Variants in PCDH15 observed in about 807,000 individuals in gnomAD.
PCDH15 encodes protocadherin-15.
In PCDH15, 129 loss-of-function variants were observed where a neutral mutation model predicts 178.5. The observed-to-expected ratio is 0.72, with a 90% CI of 0.63 to 0.84. The LOEUF is 0.84. Ranked by LOEUF, PCDH15 falls within the 40% of genes least tolerant of loss-of-function variation. The pLI, the probability that PCDH15 is intolerant of heterozygous loss-of-function variation, is 0.00. For missense variants in PCDH15, 2,230 were observed against 2,099.9 expected, an observed-to-expected ratio of 1.06 and a Z score of -1.21; for synonymous variants, 800 against 732.0, an observed-to-expected ratio of 1.09 and a Z score of -1.50.
intron 15 of PCDH15, among the ~76,000 whole-genome samples, chr10:54,123,801 C>T (rs1404258234): frequency 6.6e-6 from 1 of 152,158 alleles, no homozygotes; most frequent in Non-Finnish European, 1.5e-5. Flanking sequence ...GGCACATATA[C>T]ACTACGGAAT....
intron 2 of PCDH15, among the ~76,000 whole-genome samples, chr10:55,093,665 A>C (rs945348150): frequency 6.6e-6 from 1 of 152,034 alleles, no homozygotes; most frequent in Non-Finnish European, 1.5e-5. Flanking sequence ...TAAGGTGTAA[A>C]GAAGGGATCC....
chr10:55,272,564 G>T (rs1363615232), intron 1 of PCDH15, among the ~76,000 whole-genome samples: 1 of 151,700 alleles, frequency 6.6e-6, no homozygotes, highest in Admixed American at 6.6e-5. Flanking sequence ...CGTATTGTTA[G>T]TAGAGACGTG....
At chr10:54,335,359 GTCGCATACTCTGTGTTC>G (rs1179727950) in intron 6 of PCDH15, among the ~76,000 whole-genome samples, 7 of 152,282 alleles carry the variant, frequency 4.6e-5, no homozygotes, top group African/African-American at 1.7e-4. Flanking sequence ...TGACAAAGTG[GTCGCATACTCTGTGTTC>G]TCAGAAAGAT....
rs1377857024 is a variant in PCDH15 at position 53,998,218 on chromosome 10, CATA to C, written c.2752-2456_2752-2454del. Reference sequence around the variant, plus strand: ...AGTTAAGAATTGTATCACTAAAACCCATAATATTTGTTTCTTTTGGTAAAAATT... The same window carrying C: ...AGTTAAGAATTGTATCACTAAAACCCATATTTGTTTCTTTTGGTAAAAATT... On this transcript the variant is annotated intron_variant, in intron 20 of 37. Coordinates refer to ENST00000644397, the MANE Select transcript of PCDH15 (RefSeq NM_001384140.1). Among the ~76,000 whole-genome samples, 6 of 152,148 alleles carry C rather than the reference CATA, an allele frequency of 3.9e-5. No individual in the cohort carries two copies. In the East Asian group the frequency reaches 1.2e-3, roughly 29 times the overall value.
intron 16 of PCDH15, among the ~76,000 whole-genome samples, chr10:54,082,928 A>G (rs2135980610): frequency 6.6e-6 from 1 of 152,256 alleles, no homozygotes; most frequent in South Asian, 2.1e-4. Flanking sequence ...CCCAATTTAA[A>G]AATAGGCAAA....
intron 1 of PCDH15, among the ~76,000 whole-genome samples, chr10:54,684,801 G>C (rs1360143689): frequency 8.9e-6 from 1 of 111,782 alleles, no homozygotes; most frequent in African/African-American, 2.9e-5. Context: ...ATTTGATAGT[G>C]TTATTTCCTA....
chr10:55,165,893 C>T (rs778030229), intron 2 of PCDH15, among the ~76,000 whole-genome samples: 1 of 151,724 alleles, frequency 6.6e-6, no homozygotes, highest in Non-Finnish European at 1.5e-5. Context: ...ATTTCTGTAC[C>T]TTTTTCCATA....
chr10:55,245,253 T>C (rs1035644928), intron 1 of PCDH15, among the ~76,000 whole-genome samples: 1 of 152,126 alleles, frequency 6.6e-6, no homozygotes, highest in African/African-American at 2.4e-5. Context: ...TTAGAAACAT[T>C]TGCTGTAATG....
At chr10:54,631,825 T>A (rs889919607) in intron 2 of PCDH15, among the ~76,000 whole-genome samples, 3 of 152,052 alleles carry the variant, frequency 2.0e-5, no homozygotes, top group African/African-American at 4.8e-5. Context: ...GAGAATGAAC[T>A]CAGGAGGAAC....
intron 2 of PCDH15, among the ~76,000 whole-genome samples, chr10:55,151,791 T>C (rs1838722667): frequency 6.6e-6 from 1 of 152,086 alleles, no homozygotes; most frequent in East Asian, 1.9e-4. Context: ...GAACTGATGA[T>C]ATAAAGAATG....
chr10:53,876,400 A>G (rs941301950), intron 26 of PCDH15, among the ~76,000 whole-genome samples: 2 of 151,968 alleles, frequency 1.3e-5, no homozygotes, highest in African/African-American at 4.8e-5. Flanking sequence ...GTTGGCCACG[A>G]TGGTCTTGAT....
chr10:54,913,836 C>T (rs1421327580), intron 2 of PCDH15, among the ~76,000 whole-genome samples: 1 of 152,150 alleles, frequency 6.6e-6, no homozygotes, highest in African/African-American at 2.4e-5. Flanking sequence ...TAATGACTTC[C>T]CTGCTGGGTT....
chr10:55,046,240 G>T (rs1237496893), intron 2 of PCDH15, among the ~76,000 whole-genome samples: 1 of 151,932 alleles, frequency 6.6e-6, no homozygotes, highest in African/African-American at 2.4e-5. Flanking sequence ...ATACCTGCTT[G>T]TGAGGAAAAT....
chr10:54,551,479 A>G (rs1166942815), intron 2 of PCDH15, among the ~76,000 whole-genome samples: 1 of 152,152 alleles, frequency 6.6e-6, no homozygotes, highest in Non-Finnish European at 1.5e-5. Flanking sequence ...AAACTTACCC[A>G]AATGGAAGAT....
At chr10:54,737,798 G>A (rs938486539) in intron 1 of PCDH15, among the ~76,000 whole-genome samples, 12 of 152,106 alleles carry the variant, frequency 7.9e-5, no homozygotes, top group Non-Finnish European at 1.6e-4. Context: ...CACCTCTCCA[G>A]TTCCTAAGAA....
intron 12 of PCDH15, among the ~76,000 whole-genome samples, chr10:54,183,968 G>T (rs746819575): frequency 2.5e-3 from 374 of 152,196 alleles, no homozygotes; most frequent in Non-Finnish European, 3.1e-3. Flanking sequence ...GTATACAATA[G>T]TTCCTTGTAC....
intron 2 of PCDH15, among the ~76,000 whole-genome samples, chr10:55,144,668 T>A (rs1460867669): frequency 6.6e-6 from 1 of 152,116 alleles, no homozygotes; most frequent in Non-Finnish European, 1.5e-5. Context: ...GATTAAAAAG[T>A]CATTGTTTTT....
intron 2 of PCDH15, among the ~76,000 whole-genome samples, chr10:55,359,504 T>C (rs1845169180): frequency 6.6e-6 from 1 of 151,706 alleles, no homozygotes; most frequent in African/African-American, 2.4e-5. Flanking sequence ...TAAATTAGTA[T>C]AGCCAATATG....
chr10:54,070,852 A>G (rs1236301472), intron 17 of PCDH15, among the ~76,000 whole-genome samples: 1 of 152,070 alleles, frequency 6.6e-6, no homozygotes, highest in African/African-American at 2.4e-5. Flanking sequence ...TTGGCCTCTC[A>G]AAGTGCTGGG....
Sources: allele counts gnomAD v4.1 joint callset (sites outside exome capture counted in the v4.1 genomes callset), GRCh38; gene constraint gnomAD v4.1.1; transcripts MANE v1.5; gene names NCBI Gene and HGNC (gene_info 2026-07-23, HGNC 2026-07-21).